FAM81B: variants seen among roughly 807,000 people sequenced by gnomAD.
FAM81B encodes family with sequence similarity 81 member B, also known as protein FAM81B.
Under a neutral mutation model 58.7 loss-of-function variants are expected in FAM81B, and 60 were observed. That is an observed-to-expected ratio of 1.02 (90% CI 0.83 to 1.27). The LOEUF is 1.27. Among genes scored for constraint, FAM81B ranks in the 50% most tolerant of loss-of-function variants. The probability of loss-of-function intolerance (pLI) is 0.00; values close to 1 mark genes in which losing one functional copy is unlikely to be tolerated. For synonymous variants in FAM81B, 189 were observed against 179.6 expected (o/e 1.05, Z -0.42); for missense variants, 491 against 522.0 (o/e 0.94, Z 0.58).
intron 8 of FAM81B, among the ~76,000 whole-genome samples, chr5:95,447,919 A>T (rs1316488129): frequency 6.6e-6 from 1 of 152,196 alleles, no homozygotes; most frequent in Non-Finnish European, 1.5e-5. Context: ...TTCTAGCCGA[A>T]GTCTGTCCAC....
chr5:95,400,370 C>T (rs1762073967), intron 3 of FAM81B, among the ~76,000 whole-genome samples: 1 of 151,874 alleles, frequency 6.6e-6, no homozygotes, highest in African/African-American at 2.4e-5. Context: ...CATGGTATCT[C>T]CCTGTGTTTC....
chr5:95,415,694 C>A (rs1762522494), intron 4 of FAM81B, among the ~76,000 whole-genome samples: 1 of 152,048 alleles, frequency 6.6e-6, no homozygotes, highest in South Asian at 2.1e-4. Flanking sequence ...ATTTAGGAGT[C>A]AAAACTTCTT....
At chr5:95,422,456 AAAG>A (rs1231453427) in intron 5 of FAM81B, among the ~76,000 whole-genome samples, 1 of 152,144 alleles carries the variant, frequency 6.6e-6, no homozygotes, top group Non-Finnish European at 1.5e-5. Flanking sequence ...AAGATTCTGC[AAAG>A]AAGATAAAAC....
chr5:95,413,022 C>T (rs752159205), intron 3 of FAM81B, among the ~76,000 whole-genome samples: 6 of 152,158 alleles, frequency 3.9e-5, no homozygotes, highest in Non-Finnish European at 5.9e-5. Flanking sequence ...TATCGGCAAG[C>T]ATCTTTGGTT....
chr5:95,428,700 C>T lies in FAM81B; in HGVS notation c.754C>T (p.Leu252=). The change falls in exon 6 of 10, where the codon CTG becomes TTG. Residue 252 remains leucine, a synonymous_variant. Coordinates refer to ENST00000283357, the MANE Select transcript of FAM81B (RefSeq NM_152548.3). ...EKAIQEFVPA[L]ETLSKNLDMK... ...AGCCATTCAAGAATTCGTGCCCGCCCTGGAAACTCTTTCCAAGAACTTGGA... is the reference window on the plus strand; with the variant it reads ...AGCCATTCAAGAATTCGTGCCCGCCTTGGAAACTCTTTCCAAGAACTTGGA... 1.2e-6 allele frequency: 2 copies of T among 1,613,944 alleles called. No individual in the cohort carries two copies. The highest frequency in any genetic ancestry group is 1.7e-6 in the Non-Finnish European group (2 of 1,179,836).
At chr5:95,448,188 G>A (rs1453723073) in intron 8 of FAM81B, 81 bp from the exon 9 acceptor site, 3 of 1,313,480 alleles carry the variant, frequency 2.3e-6, no homozygotes, top group East Asian at 4.9e-5. Context: ...ATAGAAAAAT[G>A]AATGTTAAAA....
At chr5:95,447,690 C>T (rs1191722342) in intron 8 of FAM81B, among the ~76,000 whole-genome samples, 3 of 152,234 alleles carry the variant, frequency 2.0e-5, no homozygotes, top group African/African-American at 7.2e-5. Context: ...ATGCCCAGTT[C>T]CTGCTCCCAG....
At chr5:95,437,027 A>G (rs920263706) in intron 7 of FAM81B, 121 bp downstream of exon 7, 44 of 676,584 alleles carry the variant, frequency 6.5e-5, no homozygotes, top group African/African-American at 1.8e-5. Context: ...GAAATAAAGC[A>G]GTGAACTAAC....
In FAM81B at chr5:95,393,697, G is replaced by T. The variant is rs192612494; in HGVS notation, c.228+800G>T. On this transcript the variant is annotated intron_variant, in intron 2 of 9. Coordinates refer to ENST00000283357, the MANE Select transcript of FAM81B (RefSeq NM_152548.3). ...ATTTCTTTCCATAATAAGGGTTTCA[G>T]CTTCTTAAGGTAACTAATGTCATCC... Among the ~76,000 whole-genome samples the T allele has an allele frequency of 2.7e-3, 417 of 152,238 alleles. 1 individual carries two copies. The highest frequency in any genetic ancestry group is 9.8e-3 in the African/African-American group (406 of 41,542).
chr5:95,424,143 G>A, intron 5 of FAM81B: 1 of 1,289,818 alleles, frequency 7.8e-7, no homozygotes, highest in Non-Finnish European at 1.0e-6. Flanking sequence ...AGCCTGAATA[G>A]AGGATGCTAT....
chr5:95,424,138 G>A (rs1762761777), intron 5 of FAM81B: 2 of 1,289,686 alleles, frequency 1.6e-6, no homozygotes, highest in Admixed American at 4.6e-5. Flanking sequence ...CTGCAAGCCT[G>A]AATAGAGGAT....
At chr5:95,416,801 G>T (rs934273300) in intron 4 of FAM81B, among the ~76,000 whole-genome samples, 1 of 152,108 alleles carries the variant, frequency 6.6e-6, no homozygotes. Flanking sequence ...TATCACTTTG[G>T]GGGGCTGAGG....
chr5:95,445,933 A>G (rs1452836171), intron 7 of FAM81B, among the ~76,000 whole-genome samples: 1 of 152,060 alleles, frequency 6.6e-6, no homozygotes, highest in Non-Finnish European at 1.5e-5. Context: ...AAACTATCAC[A>G]CTTAGCCACA....
rs1762478623 is a variant in FAM81B at position 95,414,197 on chromosome 5, C to G, written c.537+7C>G. The stretch of plus-strand genomic sequence containing the variant: ...ACTCAGCCAAAATATTGAGGTAGTT[C>G]TCTTTTTGTTTTATTTTGTTTTTGT... On this transcript the variant is annotated splice_region_variant and intron_variant, in intron 4 of 9. Transcript: ENST00000283357. The G allele has an allele frequency of 6.3e-7, 1 of 1,587,368 alleles. No individual in the cohort carries two copies.
At chr5:95,423,068 T>C (rs1363296668) in intron 5 of FAM81B, among the ~76,000 whole-genome samples, 1 of 152,194 alleles carries the variant, frequency 6.6e-6, no homozygotes, top group East Asian at 1.9e-4. Context: ...AAATGACTAA[T>C]GTACAAGCTA....
chr5:95,441,187 C>T (rs570707015), intron 7 of FAM81B, among the ~76,000 whole-genome samples: 2 of 152,280 alleles, frequency 1.3e-5, no homozygotes, highest in African/African-American at 2.4e-5. Flanking sequence ...CAAAGAGCCT[C>T]GGCTTCCATA....
intron 7 of FAM81B, among the ~76,000 whole-genome samples, chr5:95,437,384 C>T (rs1378209942): frequency 3.3e-5 from 5 of 152,286 alleles, no homozygotes; most frequent in South Asian, 2.1e-4. Context: ...CTCGCTCTGT[C>T]GCCCAGGCTG....
intron 5 of FAM81B, among the ~76,000 whole-genome samples, chr5:95,426,897 A>G (rs1292340910): frequency 6.6e-6 from 1 of 152,060 alleles, no homozygotes; most frequent in Middle Eastern, 3.2e-3. Flanking sequence ...AAATACAAAA[A>G]AATTAGCCAG....
intron 5 of FAM81B, among the ~76,000 whole-genome samples, chr5:95,425,732 T>A (rs1490619025): frequency 1.3e-5 from 2 of 152,202 alleles, no homozygotes; most frequent in African/African-American, 4.8e-5. Flanking sequence ...AGTGCAAATG[T>A]CATAAAATTT....
Sources: gnomAD v4.1 joint callset for allele counts (sites outside exome capture counted in the v4.1 genomes callset) on GRCh38, gnomAD v4.1.1 for gene constraint, MANE v1.5 for transcripts, NCBI Gene and HGNC (gene_info 2026-07-23, HGNC 2026-07-21) for gene names.